The following PARP8 variants were observed in gnomAD, a reference collection of about 807,000 sequenced individuals.
PARP8 encodes the protein poly(ADP-ribose) polymerase family member 8.
Under a neutral mutation model 124.1 loss-of-function variants are expected in PARP8, and 51 were observed. That is an observed-to-expected ratio of 0.41 (90% CI 0.33 to 0.52). The LOEUF (loss-of-function observed/expected upper bound fraction) is 0.52. Among genes scored for constraint, PARP8 ranks in the 20% least tolerant of loss-of-function variants. The pLI, the probability that PARP8 is intolerant of heterozygous loss-of-function variation, is 0.21. For synonymous variants in PARP8, 391 were observed against 361.5 expected (o/e 1.08, Z -0.93); for missense variants, 860 against 1,018.9 (o/e 0.84, Z 2.12).
intron 3 of PARP8, among the ~76,000 whole-genome samples, chr5:50,754,720 A>C (rs984578890): frequency 6.6e-6 from 1 of 152,188 alleles, no homozygotes; most frequent in Non-Finnish European, 1.5e-5. Flanking sequence ...GGCTGGGTCA[A>C]GTGGTATTTC....
rs1294514883 is a variant in PARP8, at chr5:50,666,776, G to T, written c.-320G>T. The T allele has an allele frequency of 1.1e-6, 1 of 903,110 alleles. No individual in the cohort carries two copies. Among genetic ancestry groups the T allele is most frequent in the South Asian group, 2.4e-5 (1 of 41,180 alleles). 55.9% of individuals were successfully genotyped at this position (903,110 alleles called of 1,614,324 possible). Reference sequence around the variant, plus strand: ...CCTCGGCCCCCACGGCCGTTGGTCCGGGCGGGTGAGGGAGAAAGTGAGACT... The same window carrying T: ...CCTCGGCCCCCACGGCCGTTGGTCCTGGCGGGTGAGGGAGAAAGTGAGACT... On this transcript the variant is annotated 5_prime_UTR_variant, in exon 1 of 26. Transcript: ENST00000281631.
chr5:50,812,946 G>A (rs1167576735), intron 14 of PARP8, among the ~76,000 whole-genome samples: 3 of 151,984 alleles, frequency 2.0e-5, no homozygotes, highest in Non-Finnish European at 4.4e-5. Context: ...CTGTTCCATT[G>A]GTCTATATCT....
In PARP8 at chr5:50,713,827, AG is replaced by A. The variant is rs947895346; in HGVS notation, c.147-36323del. On this transcript the variant is annotated intron_variant, in intron 2 of 25. Transcript: ENST00000281631. ...GAAGGAAGCAGAGGGATAGAGTCAGAGATCTGAAGATGCTCTGCTGCAGCCT... is the reference window on the plus strand; with the variant it reads ...GAAGGAAGCAGAGGGATAGAGTCAGAATCTGAAGATGCTCTGCTGCAGCCT... 1.3e-4 allele frequency among the ~76,000 whole-genome samples: 20 copies of A among 152,044 alleles called. 1 individual carries two copies. In the East Asian group the frequency reaches 3.9e-3, roughly 29 times the overall value.
intron 2 of PARP8, among the ~76,000 whole-genome samples, chr5:50,677,614 A>AT (rs1055129232): frequency 8.6e-5 from 13 of 151,754 alleles, no homozygotes; most frequent in African/African-American, 2.9e-4. Context: ...TTTTAAACTT[A>AT]TTTTTTTTGT....
At chr5:50,712,509 A>T (rs977975366) in intron 2 of PARP8, among the ~76,000 whole-genome samples, 2 of 152,168 alleles carry the variant, frequency 1.3e-5, no homozygotes, top group Non-Finnish European at 2.9e-5. Context: ...AAATAGTAAA[A>T]GTTGCAAAGA....
intron 2 of PARP8, among the ~76,000 whole-genome samples, chr5:50,749,487 G>C (rs142697075): frequency 2.2e-4 from 33 of 152,206 alleles, no homozygotes; most frequent in African/African-American, 7.5e-4. Flanking sequence ...ATTTTCGTAT[G>C]TCATATGAGG....
At chr5:50,761,471 G>C (rs1484630016) in intron 5 of PARP8, among the ~76,000 whole-genome samples, 1 of 151,972 alleles carries the variant, frequency 6.6e-6, no homozygotes, top group Non-Finnish European at 1.5e-5. Flanking sequence ...AAATAATGCT[G>C]AGGAGCTTTT....
At chr5:50,802,348 C>G (rs1300204044) in intron 14 of PARP8, among the ~76,000 whole-genome samples, 1 of 152,132 alleles carries the variant, frequency 6.6e-6, no homozygotes, top group Non-Finnish European at 1.5e-5. Context: ...AGATCTTGCT[C>G]TGTCCTCTAG....
chr5:50,817,864 GAGGGTTGCTCTGCC>G (rs1745277566), intron 15 of PARP8, among the ~76,000 whole-genome samples: 1 of 152,154 alleles, frequency 6.6e-6, no homozygotes, highest in African/African-American at 2.4e-5. Flanking sequence ...TGTGTGTGGG[GAGGGTTGCTCTGCC>G]AGTTGAATTG....
chr5:50,739,087 G>T (rs1456866726), intron 2 of PARP8: 6 of 702,404 alleles, frequency 8.5e-6, no homozygotes, highest in Admixed American at 8.0e-5. Flanking sequence ...CTTCCCACAG[G>T]TATTGAATCA....
chr5:50,785,312 A>G (rs948131556), intron 9 of PARP8, among the ~76,000 whole-genome samples: 6 of 152,164 alleles, frequency 3.9e-5, no homozygotes, highest in African/African-American at 9.6e-5. Flanking sequence ...AATAATTTCT[A>G]TGTTCTGGAT....
chr5:50,755,946 A>G (rs1260216779), intron 3 of PARP8, among the ~76,000 whole-genome samples: 6 of 151,986 alleles, frequency 3.9e-5, no homozygotes, highest in East Asian at 1.9e-4. Flanking sequence ...TGAAGCAATT[A>G]TGAATGGGAG....
chr5:50,762,867 T>G (rs1187583364), intron 6 of PARP8, among the ~76,000 whole-genome samples: 1 of 152,224 alleles, frequency 6.6e-6, no homozygotes, highest in Admixed American at 6.5e-5. Flanking sequence ...TCTTCAGTCT[T>G]GATGTTCATT....
chr5:50,731,964 A>G (rs1371382961), intron 2 of PARP8, among the ~76,000 whole-genome samples: 3 of 152,136 alleles, frequency 2.0e-5, no homozygotes, highest in Admixed American at 6.5e-5. Flanking sequence ...CCCTACGGAT[A>G]TATTATTGTT....
At position 50,822,356 on chromosome 5, in the gene PARP8, A is replaced by G. The variant is rs1281093391; in HGVS notation, c.1816A>G (p.Met606Val). The G allele has an allele frequency of 3.7e-6, 6 of 1,611,756 alleles. No homozygotes were observed. The African/African-American group carries it at 8.0e-5, about 22-fold the overall frequency. ...NPRKKNYDRVMKALDSITSIR... is the reference protein window; with the variant it reads ...NPRKKNYDRVVKALDSITSIR... Reference sequence around the variant, plus strand: ...ACAGAAAAAGAACTATGATCGAGTAATGAAAGCACTGGATAGCATAACTTC... The same window carrying G: ...ACAGAAAAAGAACTATGATCGAGTAGTGAAAGCACTGGATAGCATAACTTC... The change falls in exon 17 of 26, where the codon ATG becomes GTG. Residue 606 changes from methionine (M) to valine (V), a missense_variant. Transcript: ENST00000281631.
chr5:50,729,582 T>C (rs1756772290), intron 2 of PARP8, among the ~76,000 whole-genome samples: 1 of 152,156 alleles, frequency 6.6e-6, no homozygotes, highest in Non-Finnish European at 1.5e-5. Context: ...TCTAGGTCTG[T>C]GAGTGTTCTG....
intron 7 of PARP8, among the ~76,000 whole-genome samples, chr5:50,772,994 G>A (rs1419885264): frequency 1.3e-5 from 2 of 152,118 alleles, no homozygotes; most frequent in Non-Finnish European, 2.9e-5. Flanking sequence ...CACCACACCT[G>A]GACTTTTGCC....
At chr5:50,790,126 A>G (rs550246948) in intron 10 of PARP8, among the ~76,000 whole-genome samples, 1 of 152,326 alleles carries the variant, frequency 6.6e-6, no homozygotes, top group African/African-American at 2.4e-5. Flanking sequence ...ATAAATTCCC[A>G]GTGTTGAGTT....
intron 7 of PARP8, among the ~76,000 whole-genome samples, chr5:50,769,130 A>T (rs1380882184): frequency 1.3e-5 from 2 of 152,172 alleles, no homozygotes; most frequent in African/African-American, 4.8e-5. Context: ...GTCATTTAAG[A>T]CATCATATAC....
Sources: gnomAD v4.1 joint callset for allele counts (sites outside exome capture counted in the v4.1 genomes callset) on GRCh38, gnomAD v4.1.1 for gene constraint, MANE v1.5 for transcripts, NCBI Gene and HGNC (gene_info 2026-07-23, HGNC 2026-07-21) for gene names.